USP34: variants seen among roughly 807,000 people sequenced by gnomAD.
The protein encoded by USP34 is ubiquitin specific peptidase 34, also known as ubiquitin carboxyl-terminal hydrolase 34.
A neutral mutation model predicts 460.3 loss-of-function variants in USP34; 70 were observed. The ratio of observed to expected loss-of-function variants is 0.15; its 90% CI spans 0.13 to 0.19. The LOEUF (loss-of-function observed/expected upper bound fraction) is 0.19. Ranked by LOEUF, USP34 falls within the 10% of genes least tolerant of loss-of-function variation. The probability of loss-of-function intolerance (pLI) is 1.00; values close to 1 mark genes in which losing one functional copy is unlikely to be tolerated. For missense variants in USP34, 3,985 were observed against 4,236.2 expected, an observed-to-expected ratio of 0.94 and a Z score of 1.65; for synonymous variants, 1,647 against 1,405.3, an observed-to-expected ratio of 1.17 and a Z score of -3.85.
intron 39 of USP34, 24 bp downstream of exon 39, chr2:61,280,217 GAAT>G: frequency 7.9e-7 from 1 of 1,270,250 alleles, no homozygotes; most frequent in Non-Finnish European, 1.1e-6. Flanking sequence ...AGAATACATA[GAAT>G]AGTATATAAT....
rs1045806600 is a variant in USP34, at chr2:61,193,041, A to T, written c.9509-61T>A. The T allele has an allele frequency of 2.6e-5, 34 of 1,322,474 alleles. 1 individual carries two copies. In the East Asian group the frequency reaches 8.2e-4, roughly 32 times the overall value. 81.9% of individuals were successfully genotyped at this position (1,322,474 alleles called of 1,614,324 possible). On this transcript the variant is annotated intron_variant, in intron 75 of 79. Coordinates refer to ENST00000398571, the MANE Select transcript of USP34 (RefSeq NM_014709.4). ...TATAAATTATACTAGTGAGATACTCAACTCTGCAGGTACAATATTACAGCT... is the reference window on the plus strand; with the variant it reads ...TATAAATTATACTAGTGAGATACTCTACTCTGCAGGTACAATATTACAGCT...
chr2:61,246,454 AATG>A lies in USP34; in HGVS notation c.6415_6417del (p.His2139del). ...TATTCATAGCTCTCTGAGTCTTTTG[AATG>A]ATCACTGACTTCTTTAAAACCTGAA... is the stretch of plus-strand genomic sequence containing the variant. On this transcript the variant is annotated inframe_deletion, in exon 50 of 80. Transcript: ENST00000398571. 1 of 1,586,176 alleles carries A rather than the reference AATG, an allele frequency of 6.3e-7. No homozygotes were observed. The highest frequency in any genetic ancestry group is 2.3e-5 in the East Asian group (1 of 43,998).
chr2:61,218,091 G>A (rs1687453994), intron 67 of USP34, among the ~76,000 whole-genome samples: 1 of 151,698 alleles, frequency 6.6e-6, no homozygotes, highest in South Asian at 2.1e-4. Flanking sequence ...GTACAAGAAT[G>A]CCATTTCCTC....
intron 15 of USP34, among the ~76,000 whole-genome samples, 160 bp from the exon 16 acceptor site, chr2:61,344,189 C>A (rs915346322): frequency 1.3e-5 from 2 of 152,140 alleles, no homozygotes; most frequent in East Asian, 3.9e-4. Flanking sequence ...AAACTGAAAA[C>A]TTCACACTGT....
chr2:61,378,860 G>A (rs533089976), intron 7 of USP34, among the ~76,000 whole-genome samples: 8 of 128,042 alleles, frequency 6.2e-5, no homozygotes, highest in Non-Finnish European at 9.5e-5. Flanking sequence ...AGCCAAGATC[G>A]CGCCACTGCA....
intron 57 of USP34, 105 bp downstream of exon 57, chr2:61,235,740 C>T (rs1035444510): frequency 1.5e-5 from 16 of 1,091,594 alleles, no homozygotes; most frequent in Middle Eastern, 2.5e-4. Context: ...TTCCATTTGG[C>T]TCCCTGTGAC....
chr2:61,220,724 C>G (rs6761249), intron 66 of USP34, among the ~76,000 whole-genome samples: 72 of 152,148 alleles, frequency 4.7e-4, no homozygotes, highest in Non-Finnish European at 1.0e-3. Context: ...TCCATAACTT[C>G]TAGGTCTTGC....
In USP34 at chr2:61,394,875, G is replaced by T. The variant is rs748796993; in HGVS notation, c.731C>A (p.Ala244Glu). 1 of 1,589,266 alleles carries T rather than the reference G, an allele frequency of 6.3e-7. No individual in the cohort carries two copies. The highest frequency in any genetic ancestry group is 8.5e-7 in the Non-Finnish European group (1 of 1,171,618). Reference sequence around the variant, plus strand: ...TACATTAGACACAACTGTAATAAACGCATGTGCTATAAGAAATGGCAAAGT... The same window carrying T: ...TACATTAGACACAACTGTAATAAACTCATGTGCTATAAGAAATGGCAAAGT... The part of the protein sequence containing the change: ...PETLPFLIAH[A>E]FITVVSNIRI... The change falls in exon 5 of 80, where the codon GCG (alanine) becomes GAG (glutamate). Residue 244 changes from alanine to glutamate, a missense_variant. This residue lies in a region of USP34 where 331 missense variants were observed against 293.7 expected (regional missense o/e 1.13). Coordinates refer to ENST00000398571, the MANE Select transcript of USP34 (RefSeq NM_014709.4).
intron 27 of USP34, 90 bp from the exon 28 acceptor site, chr2:61,301,544 CTG>C: frequency 9.1e-7 from 1 of 1,103,218 alleles, no homozygotes; most frequent in Non-Finnish European, 1.3e-6. Flanking sequence ...ATTAAACACA[CTG>C]TATGTTAAGT....
chr2:61,392,314 A>T (rs1693373463), intron 5 of USP34, among the ~76,000 whole-genome samples: 1 of 152,128 alleles, frequency 6.6e-6, no homozygotes, highest in Non-Finnish European at 1.5e-5. Flanking sequence ...ACTCTCTCTC[A>T]AAAACAAAAA....
At chr2:61,450,390 G>A (rs1199583404) in intron 1 of USP34, among the ~76,000 whole-genome samples, 2 of 152,110 alleles carry the variant, frequency 1.3e-5, no homozygotes, top group Non-Finnish European at 1.5e-5. Flanking sequence ...TGAATCAGTC[G>A]GGTGCCAGTA....
Position 61,216,897 on chromosome 2 carries a change from G to A in USP34, c.8048-2203C>T, listed in dbSNP as rs184614201. Among the ~76,000 whole-genome samples, 217 of 150,622 alleles carry A rather than the reference G, an allele frequency of 1.4e-3. 1 individual carries two copies. The highest frequency in any genetic ancestry group is 8.2e-3 in the South Asian group (39 of 4,766). ...TGCAGCACTACATCCCAGCCTGGGC[G>A]ATGGGGCAAGACTCCATCTCAAAAA... On this transcript the variant is annotated intron_variant, in intron 67 of 79. Transcript: ENST00000398571.
At chr2:61,376,544 A>AC (rs1395984459) in intron 8 of USP34, among the ~76,000 whole-genome samples, 1 of 152,218 alleles carries the variant, frequency 6.6e-6, no homozygotes, top group Non-Finnish European at 1.5e-5. Flanking sequence ...TATGAATATC[A>AC]CATTAGCAAT....
intron 48 of USP34, among the ~76,000 whole-genome samples, chr2:61,251,077 G>A (rs6707161): frequency 0.01 from 1,557 of 152,290 alleles, 28 homozygotes; most frequent in African/African-American, 0.036. Context: ...GGCGGAGCTG[G>A]CAGTGAGCCA....
At chr2:61,447,314 T>A (rs374330854) in intron 1 of USP34, among the ~76,000 whole-genome samples, 27 of 140,502 alleles carry the variant, frequency 1.9e-4, no homozygotes, top group South Asian at 4.9e-4. Flanking sequence ...ACTGATCTCA[T>A]CAGAAAAATC....
In USP34 at chr2:61,203,195, T is replaced by A; in HGVS notation, c.9453A>T (p.Leu3151=). ...CACAGTTGATTGCAACTCGGCATAA[T>A]AGATGGATGAACTGATGATAAGAAA... is the stretch of plus-strand genomic sequence containing the variant. The part of the protein sequence containing the change: ...YFFSYHQFIH[L]LCRVAINCEK... The change falls in exon 75 of 80, where the codon CTA becomes CTT. Residue 3151 remains leucine (L), a synonymous_variant. Coordinates refer to ENST00000398571, the MANE Select transcript of USP34 (RefSeq NM_014709.4). 6.2e-7 allele frequency: 1 copy of A among 1,603,238 alleles called. No individual in the cohort carries two copies. Among genetic ancestry groups the A allele is most frequent in the Non-Finnish European group, 8.5e-7 (1 of 1,174,906 alleles).
Position 61,204,240 on chromosome 2 carries a change from T to G in USP34, c.9384+16A>C. ...TGTACTATAGCAACATGGATTTTCCTGGCATCCCAACATACCTTACTGGTT... is the reference window on the plus strand; with the variant it reads ...TGTACTATAGCAACATGGATTTTCCGGGCATCCCAACATACCTTACTGGTT... On this transcript the variant is annotated intron_variant, in intron 74 of 79. Coordinates refer to ENST00000398571, the MANE Select transcript of USP34 (RefSeq NM_014709.4). 6.2e-7 allele frequency: 1 copy of G among 1,614,044 alleles called. No individual in the cohort carries two copies. The highest frequency in any genetic ancestry group is 8.5e-7 in the Non-Finnish European group (1 of 1,179,980).
chr2:61,294,710 A>G (rs1446099626), intron 32 of USP34, among the ~76,000 whole-genome samples: 1 of 152,146 alleles, frequency 6.6e-6, no homozygotes, highest in East Asian at 1.9e-4. Context: ...GTGAGCCACC[A>G]TGCCAGGACT....
At chr2:61,332,254 T>A (rs1030067564) in intron 19 of USP34, among the ~76,000 whole-genome samples, 3 of 152,038 alleles carry the variant, frequency 2.0e-5, no homozygotes, top group African/African-American at 7.2e-5. Flanking sequence ...AGAGATAATA[T>A]GTACTAAATA....
Sources: allele counts gnomAD v4.1 joint callset (sites outside exome capture counted in the v4.1 genomes callset), GRCh38; gene constraint gnomAD v4.1.1; regional missense constraint gnomAD v4.1.1; transcripts MANE v1.5; gene names NCBI Gene and HGNC (gene_info 2026-07-23, HGNC 2026-07-21).